Variants in FRYL observed in about 807,000 individuals in gnomAD.
FRYL encodes the protein protein furry homolog-like.
Under a neutral mutation model 351.2 loss-of-function variants are expected in FRYL, and 150 were observed. That is an observed-to-expected ratio of 0.43 (90% confidence interval 0.37 to 0.49). FRYL has a LOEUF of 0.49. Ranked by LOEUF, FRYL falls within the 20% of genes least tolerant of loss-of-function variation. The pLI, the probability that FRYL is intolerant of heterozygous loss-of-function variation, is 0.00. For synonymous variants in FRYL, 1,153 were observed against 1,257.1 expected (o/e 0.92, Z 1.75); for missense variants, 3,036 against 3,619.3 (o/e 0.84, Z 4.13).
At chr4:48,581,342 T>C (rs1266901614) in intron 21 of FRYL, 78 bp downstream of exon 21, 21 of 1,308,340 alleles carry the variant, frequency 1.6e-5, no homozygotes, top group Middle Eastern at 2.6e-4. Flanking sequence ...GTAACCTACC[T>C]ACATGGGATA....
chr4:48,686,892 A>G (rs1039030784), intron 2 of FRYL, among the ~76,000 whole-genome samples: 4 of 152,216 alleles, frequency 2.6e-5, no homozygotes, highest in African/African-American at 4.8e-5. Flanking sequence ...CAGACACACA[A>G]CCTTGCTATT....
chr4:48,623,273 C>T (rs528639686), intron 4 of FRYL, 94 bp from the exon 5 acceptor site: 11 of 770,696 alleles, frequency 1.4e-5, no homozygotes, highest in African/African-American at 7.4e-5. Flanking sequence ...TAGATTTGTG[C>T]GTTTGGTTTT....
chr4:48,709,466 C>G (rs182252779), intron 2 of FRYL, among the ~76,000 whole-genome samples: 3 of 152,108 alleles, frequency 2.0e-5, no homozygotes, highest in Non-Finnish European at 2.9e-5. Context: ...AGAAAGACAC[C>G]AACTTCAAAA....
intron 47 of FRYL, among the ~76,000 whole-genome samples, chr4:48,537,376 T>C (rs983448124): frequency 1.2e-4 from 19 of 152,318 alleles, no homozygotes; most frequent in African/African-American, 4.6e-4. Context: ...GTGTGTTTTA[T>C]AACAAACTTT....
rs1232686741 is a variant in FRYL, at chr4:48,579,238, T to C, written c.2263A>G (p.Thr755Ala). The C allele has an allele frequency of 3.7e-6, 6 of 1,605,002 alleles. No homozygotes were observed. Among genetic ancestry groups the C allele is most frequent in the Middle Eastern group, 1.7e-4 (1 of 6,036 alleles). The change falls in exon 23 of 64, where the codon ACT becomes GCT. Residue 755 changes from threonine to alanine, a missense_variant. By Grantham distance (58) the Thr-to-Ala change is moderately conservative. Around this residue, in one of 7 missense-constraint regions of FRYL, gnomAD observed 492 missense variants for 551.5 expected, o/e 0.89. Coordinates refer to ENST00000358350, the MANE Select transcript of FRYL (RefSeq NM_015030.2). ...FIHLTGADQT[T>A]LLYCPSSIDL... ...ATCGAGCTAGGGCAATAGAGCAAAGTAGTCTATATGGAGAGGAAAAAATTG... is the reference window on the plus strand; with the variant it reads ...ATCGAGCTAGGGCAATAGAGCAAAGCAGTCTATATGGAGAGGAAAAAATTG...
Position 48,615,781 on chromosome 4 carries a change from A to G in FRYL, c.411+3493T>C, listed in dbSNP as rs1297676269. ...ATTTTATAAAATACTGGCCATTTCC[A>G]CTATTCACAATAGCAAAGACTTGGA... On this transcript the variant is annotated intron_variant, in intron 7 of 63. Coordinates refer to ENST00000358350, the MANE Select transcript of FRYL (RefSeq NM_015030.2). 2.0e-5 allele frequency among the ~76,000 whole-genome samples: 3 copies of G among 151,868 alleles called. No individual in the cohort carries two copies. The East Asian group carries it at 5.8e-4, about 30-fold the overall frequency.
intron 1 of FRYL, among the ~76,000 whole-genome samples, chr4:48,773,026 C>A (rs1775675913): frequency 6.6e-6 from 1 of 152,054 alleles, no homozygotes; most frequent in African/African-American, 2.4e-5. Flanking sequence ...TACATTTGAT[C>A]AAAAATAGTC....
At chr4:48,628,669 A>G (rs939585417) in intron 4 of FRYL, among the ~76,000 whole-genome samples, 3 of 152,118 alleles carry the variant, frequency 2.0e-5, no homozygotes, top group Non-Finnish European at 4.4e-5. Context: ...GCCATAATAG[A>G]AGGAGGATAT....
chr4:48,758,292 C>T (rs1426904845), intron 1 of FRYL, among the ~76,000 whole-genome samples: 1 of 152,180 alleles, frequency 6.6e-6, no homozygotes, highest in Non-Finnish European at 1.5e-5. Flanking sequence ...AGTGAACAGG[C>T]AACCTACAGA....
intron 1 of FRYL, 123 bp from the exon 2 acceptor site, chr4:48,710,821 T>C (rs1224932508): frequency 2.6e-6 from 1 of 378,174 alleles, no homozygotes; most frequent in East Asian, 3.8e-5. Context: ...AGGTGAAACA[T>C]CATCCAGTAA....
At chr4:48,501,208 TGAGA>T (rs1719566076) in intron 62 of FRYL, among the ~76,000 whole-genome samples, 4 of 152,124 alleles carry the variant, frequency 2.6e-5, no homozygotes, top group Non-Finnish European at 5.9e-5. Context: ...TTTGATTTTC[TGAGA>T]CAGGGTCTTG....
chr4:48,611,092 A>G (rs986889411), intron 7 of FRYL, among the ~76,000 whole-genome samples: 4 of 151,932 alleles, frequency 2.6e-5, no homozygotes, highest in Non-Finnish European at 5.9e-5. Context: ...TTCAGTATAT[A>G]TGGTGCATTG....
intron 7 of FRYL, among the ~76,000 whole-genome samples, chr4:48,617,408 G>A (rs1487640155): frequency 6.6e-6 from 1 of 151,068 alleles, no homozygotes; most frequent in African/African-American, 2.4e-5. Flanking sequence ...GAGTACAGTG[G>A]TGCAGTCATA....
In FRYL at chr4:48,595,683, T is replaced by G. The variant is rs1351091764; in HGVS notation, c.1155A>C (p.Ile385=). 6.2e-7 allele frequency: 1 copy of G among 1,610,558 alleles called. No homozygotes were observed. Among genetic ancestry groups the G allele is most frequent in the South Asian group, 1.1e-5 (1 of 90,770 alleles). Residue 385 remains isoleucine (I), a synonymous_variant, in exon 15 of 64, where the codon ATA becomes ATC. Coordinates refer to ENST00000358350, the MANE Select transcript of FRYL (RefSeq NM_015030.2). The part of the protein sequence containing the change: ...NTVTQSRLMS[I]VSALFPKGSR... ...AGCCTTTTGGAAAAAGTGCTGACAC[T>G]ATGCTCATAAGACGACTACAGGGAA... is the stretch of plus-strand genomic sequence containing the variant.
intron 1 of FRYL, among the ~76,000 whole-genome samples, chr4:48,750,321 C>A (rs1017151881): frequency 1.3e-5 from 2 of 151,506 alleles, no homozygotes; most frequent in African/African-American, 4.9e-5. Context: ...ATCTGCCAGG[C>A]GTGGTGGCAT....
At chr4:48,659,067 G>A (rs1759881245) in intron 3 of FRYL, among the ~76,000 whole-genome samples, 1 of 152,034 alleles carries the variant, frequency 6.6e-6, no homozygotes, top group South Asian at 2.1e-4. Context: ...AAAGGAAGCA[G>A]GGGCCAGGTG....
intron 1 of FRYL, among the ~76,000 whole-genome samples, chr4:48,763,514 T>TAA (rs1774629044): frequency 6.6e-6 from 1 of 152,146 alleles, no homozygotes; most frequent in Non-Finnish European, 1.5e-5. Context: ...TCCTAATACT[T>TAA]AATCATTCAA....
intron 6 of FRYL, among the ~76,000 whole-genome samples, chr4:48,619,769 A>C (rs1750279753): frequency 6.6e-6 from 1 of 152,156 alleles, no homozygotes; most frequent in South Asian, 2.1e-4. Flanking sequence ...CCTAAAGCAG[A>C]TTACAAGCAT....
rs1196434848 is a variant in FRYL, at chr4:48,634,458, A to G, written c.-48T>C. 6.2e-7 allele frequency: 1 copy of G among 1,611,616 alleles called. No individual in the cohort carries two copies. The highest frequency in any genetic ancestry group is 8.5e-7 in the Non-Finnish European group (1 of 1,178,498). On this transcript the variant is annotated 5_prime_UTR_variant, in exon 4 of 64. Transcript: ENST00000358350. ...GTGGAATGAAAGTTGGAAGAAGCAC[A>G]GTATTTATTTACTTTGCTGACTGGC...
Sources: allele counts gnomAD v4.1 joint callset (sites outside exome capture counted in the v4.1 genomes callset), GRCh38; gene constraint gnomAD v4.1.1; regional missense constraint gnomAD v4.1.1; transcripts MANE v1.5; gene names NCBI Gene and HGNC (gene_info 2026-07-23, HGNC 2026-07-21).